The following DMD variants were observed in gnomAD, a reference collection of about 807,000 sequenced individuals.
DMD encodes the protein dystrophin.
A neutral mutation model predicts 330.1 loss-of-function variants in DMD; 63 were observed. The ratio of observed to expected loss-of-function variants is 0.19; its 90% CI spans 0.16 to 0.24. The LOEUF (loss-of-function observed/expected upper bound fraction) is 0.24. Ranked by LOEUF, DMD falls within the 10% of genes least tolerant of loss-of-function variation. The pLI is 1.00. For synonymous variants in DMD, 1,223 were observed against 959.8 expected (o/e 1.27, Z -5.07); for missense variants, 3,344 against 2,684.1 (o/e 1.25, Z -5.43).
chrX:31,756,471 C>T (rs1489651757), intron 51 of DMD, among the ~76,000 whole-genome samples: 2 of 112,208 alleles, frequency 1.8e-5, no homozygotes, highest in African/African-American at 6.5e-5. Flanking sequence ...TGTACACACA[C>T]ACACACACAC....
intron 7 of DMD, among the ~76,000 whole-genome samples, chrX:32,778,170 C>G (rs763748429): frequency 9.4e-6 from 1 of 106,668 alleles, no homozygotes; most frequent in East Asian, 2.9e-4. Flanking sequence ...AGGTAAGAAG[C>G]GTAGAGGATA....
intron 2 of DMD, among the ~76,000 whole-genome samples, chrX:32,881,308 T>C (rs190012069): frequency 3.6e-4 from 41 of 112,985 alleles, no homozygotes; most frequent in African/African-American, 1.3e-3. Context: ...CAAATAGTTC[T>C]TAAAGTATTC....
intron 19 of DMD, among the ~76,000 whole-genome samples, chrX:32,494,397 G>C (rs1369167659): frequency 1.8e-5 from 2 of 111,100 alleles, no homozygotes; most frequent in Admixed American, 9.7e-5. Flanking sequence ...TAGCAAAAAG[G>C]GGGAGGCAGG....
At chrX:31,434,941 C>T (rs910842158) in intron 60 of DMD, among the ~76,000 whole-genome samples, 1 of 111,742 alleles carries the variant, frequency 8.9e-6, no homozygotes, top group East Asian at 2.8e-4. Context: ...TTTAAAGGGT[C>T]GAATCATAAA....
At chrX:33,324,136 T>C (rs919575463) in intron 1 of DMD, among the ~76,000 whole-genome samples, 1 of 111,868 alleles carries the variant, frequency 8.9e-6, no homozygotes, top group East Asian at 2.8e-4. Flanking sequence ...GGTTGCCTTT[T>C]ACCAGAAGTA....
chrX:31,697,462 T>G (rs2083517045), intron 52 of DMD, among the ~76,000 whole-genome samples: 1 of 111,278 alleles, frequency 9.0e-6, no homozygotes, highest in Non-Finnish European at 1.9e-5. Context: ...TAACCAATGC[T>G]AAGACTCAGG....
At chrX:31,867,091 G>GATATATATATATATAT (rs35804192) in intron 48 of DMD, among the ~76,000 whole-genome samples, 40 of 101,303 alleles carry the variant, frequency 3.9e-4, no homozygotes, top group African/African-American at 1.4e-3. Context: ...AACATATTTT[G>GATATATATATATATAT]ATATATATAT....
chrX:32,711,813 G>A (rs1456554767), intron 7 of DMD, among the ~76,000 whole-genome samples: 1 of 111,632 alleles, frequency 9.0e-6, no homozygotes, highest in Non-Finnish European at 1.9e-5. Context: ...ATACTCATCT[G>A]CCTGTCTAAT....
intron 48 of DMD, among the ~76,000 whole-genome samples, chrX:31,842,446 T>C (rs1481124713): frequency 8.9e-6 from 1 of 112,271 alleles, no homozygotes; most frequent in Non-Finnish European, 1.9e-5. Context: ...GACCTCATTT[T>C]TGAAAGATCT....
At chrX:32,654,546 G>T (rs185870373) in intron 9 of DMD, among the ~76,000 whole-genome samples, 2 of 111,696 alleles carry the variant, frequency 1.8e-5, no homozygotes, top group Admixed American at 9.5e-5. Flanking sequence ...GCTGGATTCG[G>T]ATTGCCAGTA....
intron 77 of DMD, among the ~76,000 whole-genome samples, chrX:31,128,422 CTTTAG>C (rs2034030803): frequency 1.8e-5 from 2 of 111,903 alleles, no homozygotes; most frequent in Admixed American, 9.5e-5. Flanking sequence ...CACTGGCACA[CTTTAG>C]TTTGGATGCC....
In DMD at chrX:32,491,478, T is replaced by G. The variant is rs2042991906; in HGVS notation, c.2421A>C (p.Gln807His). The change falls in exon 20 of 79, where the codon CAA (glutamine) becomes CAC (histidine). Residue 807 changes from glutamine (Q) to histidine (H), a missense_variant. Transcript: ENST00000357033. ...NADSIKQASE[Q>H]LNSRWIEFCQ... The stretch of plus-strand genomic sequence containing the variant: ...AGAATTCGATCCACCGGCTGTTCAG[T>G]TGTTCTGAGGCTTGTTTGATGCTAT... 8.3e-7 allele frequency: 1 copy of G among 1,211,100 alleles called. No individual in the cohort carries two copies. Among genetic ancestry groups the G allele is most frequent in the Non-Finnish European group, 1.1e-6 (1 of 895,013 alleles).
chrX:31,977,663 T>A (rs1462126036), intron 44 of DMD, among the ~76,000 whole-genome samples: 2 of 110,619 alleles, frequency 1.8e-5, no homozygotes, highest in Non-Finnish European at 3.8e-5. Context: ...AGGTTAGGTT[T>A]CTTGTTTTCC....
chrX:32,316,611 A>T (rs2148638979), intron 41 of DMD, among the ~76,000 whole-genome samples: 1 of 111,566 alleles, frequency 9.0e-6, no homozygotes, highest in East Asian at 2.8e-4. Context: ...ATTCCAAAAT[A>T]ACTTTTTGAC....
At chrX:33,252,619 G>A (rs1335497398) in intron 1 of DMD, among the ~76,000 whole-genome samples, 1 of 110,184 alleles carries the variant, frequency 9.1e-6, no homozygotes, top group African/African-American at 3.3e-5. Context: ...TTGAATGGGG[G>A]GGGTGACAGG....
intron 43 of DMD, among the ~76,000 whole-genome samples, chrX:32,275,837 T>A (rs2097384301): frequency 9.0e-6 from 1 of 111,014 alleles, no homozygotes; most frequent in African/African-American, 3.3e-5. Context: ...ATATAACTAA[T>A]CTCCCTCACT....
At chrX:32,314,360 C>A (rs2097575397) in intron 41 of DMD, among the ~76,000 whole-genome samples, 1 of 111,209 alleles carries the variant, frequency 9.0e-6, no homozygotes, top group Non-Finnish European at 1.9e-5. Flanking sequence ...AAAACGGAAA[C>A]TAGACCCCTT....
chrX:33,141,748 A>G (rs2047810406), intron 1 of DMD, among the ~76,000 whole-genome samples: 1 of 111,293 alleles, frequency 9.0e-6, no homozygotes, highest in Admixed American at 9.6e-5. Context: ...TATAGGTTCA[A>G]CACACTCCAC....
intron 63 of DMD, among the ~76,000 whole-genome samples, chrX:31,242,449 T>C (rs1381596749): frequency 2.7e-5 from 3 of 109,918 alleles, no homozygotes; most frequent in African/African-American, 9.9e-5. Flanking sequence ...AATGTTTTTT[T>C]CCACTCTCCA....
Sources: allele counts gnomAD v4.1 joint callset (sites outside exome capture counted in the v4.1 genomes callset), GRCh38; gene constraint gnomAD v4.1.1; transcripts MANE v1.5; gene names NCBI Gene and HGNC (gene_info 2026-07-23, HGNC 2026-07-21).